Variants in ATCAY observed in about 807,000 individuals in gnomAD.
ATCAY encodes the protein ATCAY kinesin light chain interacting caytaxin, also known as caytaxin.
ATCAY carries 22 observed loss-of-function variants against 47.7 expected under a neutral mutation model. That is an observed-to-expected ratio of 0.46 (90% CI 0.33 to 0.66). The LOEUF (loss-of-function observed/expected upper bound fraction) is 0.66. ATCAY is among the 30% of genes least tolerant of loss of function. ATCAY has a pLI of 0.02. For missense variants in ATCAY, 452 were observed against 515.0 expected, an observed-to-expected ratio of 0.88 and a Z score of 1.18; for synonymous variants, 216 against 207.6, an observed-to-expected ratio of 1.04 and a Z score of -0.35.
Position 3,909,478 on chromosome 19 carries a change from G to C in ATCAY, c.648-8G>C. ...GTTGGGTCCCTGCCTTCTGTGCCCC[G>C]TGAGCAGGTACGTCATCAGCAGCTT... is the stretch of plus-strand genomic sequence containing the variant. On this transcript the variant is annotated splice_region_variant and splice_polypyrimidine_tract_variant and intron_variant, in intron 6 of 12. Coordinates refer to ENST00000450849, the MANE Select transcript of ATCAY (RefSeq NM_033064.5). 6.2e-7 allele frequency: 1 copy of C among 1,612,062 alleles called. No homozygotes were observed. The highest frequency in any genetic ancestry group is 8.5e-7 in the Non-Finnish European group (1 of 1,178,516).
chr19:3,900,089 A>T (rs1485737036), intron 2 of ATCAY, among the ~76,000 whole-genome samples: 1 of 152,132 alleles, frequency 6.6e-6, no homozygotes, highest in Non-Finnish European at 1.5e-5. Flanking sequence ...GATAATCAAC[A>T]TTGATCAATA....
Position 3,908,453 on chromosome 19 carries a change from A to T in ATCAY, c.647+83A>T, listed in dbSNP as rs1160374061. The T allele has an allele frequency of 2.3e-6, 3 of 1,292,108 alleles. No individual in the cohort carries two copies. The Admixed American group carries it at 5.9e-5, about 26-fold the overall frequency. The allele number at this position is 1,292,108 out of a possible 1,614,324, so 80.0% of individuals were successfully genotyped here. On this transcript the variant is annotated intron_variant, in intron 6 of 12. Coordinates refer to ENST00000450849, the MANE Select transcript of ATCAY (RefSeq NM_033064.5). ...AGGGGCACCAGGCTGCAAGGATTGC[A>T]TTGTGGCCCTAGGAAGCCTGCCTGG...
intron 12 of ATCAY, among the ~76,000 whole-genome samples, chr19:3,923,488 T>C (rs1345172697): frequency 6.8e-6 from 1 of 147,688 alleles, no homozygotes; most frequent in African/African-American, 2.5e-5. Context: ...GGATGATGGG[T>C]GGATAGATAG....
intron 2 of ATCAY, among the ~76,000 whole-genome samples, chr19:3,893,092 T>G (rs2038732556): frequency 1.3e-5 from 2 of 151,622 alleles, no homozygotes; most frequent in Non-Finnish European, 2.9e-5. Context: ...TAAACTTATC[T>G]CTTTTAGGGG....
intron 2 of ATCAY, chr19:3,895,294 A>C: frequency 2.2e-6 from 1 of 449,744 alleles, no homozygotes; most frequent in African/African-American, 2.0e-5. Flanking sequence ...AGCTCACTGC[A>C]ACCTCCGCTT....
At chr19:3,893,342 G>T (rs1218397147) in intron 2 of ATCAY, among the ~76,000 whole-genome samples, 2 of 152,024 alleles carry the variant, frequency 1.3e-5, no homozygotes, top group Non-Finnish European at 2.9e-5. Flanking sequence ...ACCATGCCAG[G>T]CTAATTTTAG....
chr19:3,899,382 C>T (rs187453044), intron 2 of ATCAY, among the ~76,000 whole-genome samples: 40 of 141,466 alleles, frequency 2.8e-4, no homozygotes, highest in African/African-American at 1.1e-3. Flanking sequence ...GGCACGATCT[C>T]GGCTCACCGC....
chr19:3,893,865 C>A (rs1467985159), intron 2 of ATCAY, among the ~76,000 whole-genome samples: 1 of 151,880 alleles, frequency 6.6e-6, no homozygotes, highest in Admixed American at 6.6e-5. Context: ...TCCCTACCCT[C>A]CATCCTCCAA....
At chr19:3,918,214 G>A (rs1335395724) in intron 10 of ATCAY, among the ~76,000 whole-genome samples, 2 of 151,874 alleles carry the variant, frequency 1.3e-5, no homozygotes, top group Non-Finnish European at 2.9e-5. Context: ...GCGTAACTCC[G>A]TCTCTACCAA....
intron 9 of ATCAY, among the ~76,000 whole-genome samples, chr19:3,914,866 G>C (rs991209437): frequency 2.0e-5 from 3 of 150,888 alleles, no homozygotes; most frequent in African/African-American, 7.3e-5. Flanking sequence ...GTCAAACCCT[G>C]TCACCCCCAA....
intron 10 of ATCAY, among the ~76,000 whole-genome samples, chr19:3,918,460 C>T (rs894079843): frequency 6.0e-5 from 9 of 150,882 alleles, no homozygotes; most frequent in Non-Finnish European, 1.2e-4. Context: ...GAGACTGAAT[C>T]GGGACGACTG....
chr19:3,910,112 C>T (rs746993933), intron 7 of ATCAY, among the ~76,000 whole-genome samples: 3 of 152,004 alleles, frequency 2.0e-5, no homozygotes, highest in Non-Finnish European at 4.4e-5. Flanking sequence ...CTCCCTATTC[C>T]TTCTCCCCAG....
At chr19:3,918,387 A>G (rs2038984382) in intron 10 of ATCAY, among the ~76,000 whole-genome samples, 1 of 104,040 alleles carries the variant, frequency 9.6e-6, no homozygotes, top group South Asian at 2.2e-4. Context: ...TCTGTCTCAA[A>G]AAAAAAAAAA....
rs58091636 is a variant in ATCAY, at chr19:3,923,968, GTGGATGGA to G, written c.1107-586_1107-579del. ...GATGGCTAGATGGATGAGTGGGTGG[GTGGATGGA>G]TGGATGGATGGATGGATGGATGGAT... On this transcript the variant is annotated intron_variant, in intron 12 of 12. Coordinates refer to ENST00000450849, the MANE Select transcript of ATCAY (RefSeq NM_033064.5). 1.3e-3 allele frequency among the ~76,000 whole-genome samples: 158 copies of G among 124,810 alleles called. 2 individuals are homozygous for G. Among genetic ancestry groups the G allele is most frequent in the East Asian group, 3.4e-3 (12 of 3,564 alleles). The allele number at this position is 124,810 out of a possible 152,430, so 81.9% of individuals were successfully genotyped here. A position where few individuals can be genotyped will look rare whatever the true frequency, so the allele number is the denominator to read the frequency against.
chr19:3,914,652 C>A (rs2038951543), intron 9 of ATCAY, among the ~76,000 whole-genome samples: 1 of 151,944 alleles, frequency 6.6e-6, no homozygotes, highest in African/African-American at 2.4e-5. Context: ...GAAACCCTGT[C>A]TCTCCTAAAA....
Position 3,905,447 on chromosome 19 carries a change from G to A in ATCAY, c.150G>A (p.Thr50=), listed in dbSNP as rs762132813. 48 of 1,609,396 alleles carry A rather than the reference G, an allele frequency of 3.0e-5. No homozygotes were observed. Among genetic ancestry groups the A allele is most frequent in the Middle Eastern group, 3.3e-4 (2 of 6,076 alleles). The change falls in exon 4 of 13, where the codon ACG becomes ACA. Residue 50 remains threonine, a synonymous_variant. Transcript: ENST00000450849. ...ATTTCCCTGCAGCTCCTCCCAACAC[G>A]CTAAATTTCAACGGAGCGCATCGTA... ...PVEDTSSPPN[T]LNFNGAHRKR...
chr19:3,882,420 C>A (rs532885133), intron 1 of ATCAY, among the ~76,000 whole-genome samples: 1 of 151,980 alleles, frequency 6.6e-6, no homozygotes, highest in Non-Finnish European at 1.5e-5. Flanking sequence ...TGGTCTCAAG[C>A]GATCCTCCAA....
intron 2 of ATCAY, among the ~76,000 whole-genome samples, chr19:3,893,892 C>T (rs577434749): frequency 6.6e-6 from 1 of 152,140 alleles, no homozygotes; most frequent in Admixed American, 6.6e-5. Context: ...CCTCCTCCCC[C>T]ACTGCTCTCT....
intron 4 of ATCAY, among the ~76,000 whole-genome samples, chr19:3,905,963 G>A (rs1164685907): frequency 2.6e-5 from 4 of 152,028 alleles, no homozygotes; most frequent in South Asian, 2.1e-4. Context: ...ACGAGGTCAG[G>A]AGATCGAGAC....
Sources: gnomAD v4.1 joint callset for allele counts (sites outside exome capture counted in the v4.1 genomes callset) on GRCh38, gnomAD v4.1.1 for gene constraint, MANE v1.5 for transcripts, NCBI Gene and HGNC (gene_info 2026-07-23, HGNC 2026-07-21) for gene names.